Variants in MAP4K3 observed in about 807,000 individuals in gnomAD.
MAP4K3 encodes MAPK/ERK kinase kinase kinase 3.
MAP4K3 carries 94 observed loss-of-function variants against 143.5 expected under a neutral mutation model. The ratio of observed to expected loss-of-function variants is 0.65; its 90% confidence interval spans 0.55 to 0.78. MAP4K3 has a LOEUF of 0.78. MAP4K3 is among the 30% of genes least tolerant of loss of function. The pLI is 0.00. For missense variants in MAP4K3, 1,077 were observed against 1,068.1 expected (o/e 1.01, Z -0.12); for synonymous variants, 416 against 347.2 (o/e 1.20, Z -2.20).
intron 2 of MAP4K3, among the ~76,000 whole-genome samples, chr2:39,371,396 G>A (rs372691438): frequency 6.6e-6 from 1 of 152,106 alleles, no homozygotes. Context: ...CTGCCATCTG[G>A]GATGTAAATC....
At chr2:39,304,150 T>C (rs1013628327) in intron 15 of MAP4K3, among the ~76,000 whole-genome samples, 2 of 23,630 alleles carry the variant, frequency 8.5e-5, no homozygotes, top group Non-Finnish European at 5.7e-4. Context: ...ATTATCTGAT[T>C]TTTTTTTTTT....
At chr2:39,369,193 G>GTTTTTTTGTTTTTT (rs747293878) in intron 2 of MAP4K3, among the ~76,000 whole-genome samples, 30 of 37,966 alleles carry the variant, frequency 7.9e-4, no homozygotes, top group Middle Eastern at 0.017. Flanking sequence ...CTTTGGGCTA[G>GTTTTTTTGTTTTTT]TTTTTTTTTT....
intron 28 of MAP4K3, among the ~76,000 whole-genome samples, chr2:39,263,168 G>A (rs938541066): frequency 5.3e-5 from 8 of 151,724 alleles, no homozygotes; most frequent in Non-Finnish European, 7.4e-5. Flanking sequence ...TATAGAAAGC[G>A]TAACAATGTT....
At chr2:39,377,770 G>C (rs1420972679) in intron 2 of MAP4K3, among the ~76,000 whole-genome samples, 1 of 152,152 alleles carries the variant, frequency 6.6e-6, no homozygotes, top group Admixed American at 6.6e-5. Flanking sequence ...CGTCAGCCTG[G>C]AAATAAACCA....
At chr2:39,398,025 T>C (rs1423975044) in intron 1 of MAP4K3, among the ~76,000 whole-genome samples, 1 of 152,102 alleles carries the variant, frequency 6.6e-6, no homozygotes, top group Non-Finnish European at 1.5e-5. Flanking sequence ...AGGACCCTCA[T>C]ATATTGCTGC....
intron 13 of MAP4K3, among the ~76,000 whole-genome samples, chr2:39,314,813 A>C (rs533300285): frequency 2.0e-5 from 3 of 152,152 alleles, no homozygotes; most frequent in Non-Finnish European, 2.9e-5. Flanking sequence ...AGACCTACTG[A>C]ATTGGACTCT....
chr2:39,353,076 G>A (rs1342066384), intron 3 of MAP4K3, among the ~76,000 whole-genome samples: 1 of 152,170 alleles, frequency 6.6e-6, no homozygotes, highest in Non-Finnish European at 1.5e-5. Context: ...AATACAGTAT[G>A]CCAAAAAAGA....
intron 29 of MAP4K3, 87 bp from the exon 30 acceptor site, chr2:39,258,674 A>T: frequency 1.1e-6 from 1 of 950,224 alleles, no homozygotes; most frequent in Non-Finnish European, 1.7e-6. Context: ...TCTGAGGATA[A>T]CAATACTTGA....
In MAP4K3 at chr2:39,336,918, A is replaced by G; in HGVS notation, c.414+2T>C. ...TTATTATGTTAAAAATATAATGTATACCTTTATATCTCTGTGCATTTTTCC... is the reference window on the plus strand; with the variant it reads ...TTATTATGTTAAAAATATAATGTATGCCTTTATATCTCTGTGCATTTTTCC... On this transcript the variant is annotated splice_donor_variant, in intron 6 of 33. Coordinates refer to ENST00000263881, the MANE Select transcript of MAP4K3 (RefSeq NM_003618.4). LOFTEE classifies it high-confidence loss of function. The G allele has an allele frequency of 8.2e-7, 1 of 1,215,302 alleles. No homozygotes were observed. Among genetic ancestry groups the G allele is most frequent in the Non-Finnish European group, 1.2e-6 (1 of 860,498 alleles). The allele number at this position is 1,215,302 out of a possible 1,614,324, so 75.3% of individuals were successfully genotyped here.
intron 26 of MAP4K3, chr2:39,267,487 A>G (rs1182838584): frequency 2.6e-6 from 1 of 380,288 alleles, no homozygotes; most frequent in East Asian, 4.9e-5. Context: ...CCTGGCCAAC[A>G]TAATAAAACC....
intron 1 of MAP4K3, among the ~76,000 whole-genome samples, chr2:39,419,902 T>C (rs1025558251): frequency 6.6e-6 from 1 of 152,206 alleles, no homozygotes; most frequent in Non-Finnish European, 1.5e-5. Context: ...TAGAAGATGG[T>C]GGAGCACAGG....
intron 1 of MAP4K3, among the ~76,000 whole-genome samples, chr2:39,433,288 A>C (rs1665350787): frequency 6.6e-6 from 1 of 152,134 alleles, no homozygotes; most frequent in Non-Finnish European, 1.5e-5. Flanking sequence ...AAACCATAAG[A>C]CTAGGTAAGA....
intron 26 of MAP4K3, among the ~76,000 whole-genome samples, chr2:39,268,130 A>G (rs1426017468): frequency 1.1e-4 from 17 of 152,316 alleles, no homozygotes; most frequent in Non-Finnish European, 4.4e-5. Flanking sequence ...CAAAGGTGCT[A>G]TAGGTGTTTT....
At chr2:39,436,633 T>C in intron 1 of MAP4K3, 2 of 512,402 alleles carry the variant, frequency 3.9e-6, no homozygotes, top group Non-Finnish European at 7.0e-6. Context: ...TGCCCTTCCC[T>C]GGAAATGCGC....
Position 39,249,856 on chromosome 2 carries a change from A to G in MAP4K3, c.*762T>C, listed in dbSNP as rs893514680. On this transcript the variant is annotated 3_prime_UTR_variant, in exon 34 of 34. Transcript: ENST00000263881. ...AAGGTATTGTTTTTAAGCAAAGACA[A>G]GCAATCTTACAGGATTCTGCTTAAA... is the stretch of plus-strand genomic sequence containing the variant. The G allele has an allele frequency of 2.6e-5, 4 of 152,582 alleles. No homozygotes were observed. Among genetic ancestry groups the G allele is most frequent in the Non-Finnish European group, 5.9e-5 (4 of 68,032 alleles). 9.5% of individuals were successfully genotyped at this position (152,582 alleles called of 1,614,324 possible).
intron 1 of MAP4K3, among the ~76,000 whole-genome samples, chr2:39,422,274 C>T (rs1667569240): frequency 6.6e-6 from 1 of 152,108 alleles, no homozygotes; most frequent in Admixed American, 6.5e-5. Flanking sequence ...ACTACTCTTT[C>T]TGAACAGCAA....
At chr2:39,414,603 C>T (rs999502831) in intron 1 of MAP4K3, among the ~76,000 whole-genome samples, 10 of 152,256 alleles carry the variant, frequency 6.6e-5, no homozygotes, top group East Asian at 1.9e-4. Flanking sequence ...AGGCCGGGTG[C>T]GGTGGCTCAC....
At chr2:39,428,459 G>A (rs1665167069) in intron 1 of MAP4K3, among the ~76,000 whole-genome samples, 1 of 151,984 alleles carries the variant, frequency 6.6e-6, no homozygotes, top group Admixed American at 6.5e-5. Flanking sequence ...GATCACCTGA[G>A]GTCAGGAGTT....
chr2:39,383,891 G>A (rs1395648705), intron 1 of MAP4K3, among the ~76,000 whole-genome samples: 1 of 152,068 alleles, frequency 6.6e-6, no homozygotes, highest in Non-Finnish European at 1.5e-5. Flanking sequence ...GATCGCTTGA[G>A]CCCAGGAGTT....
Sources: allele counts gnomAD v4.1 joint callset (sites outside exome capture counted in the v4.1 genomes callset), GRCh38; gene constraint gnomAD v4.1.1; transcripts MANE v1.5; gene names NCBI Gene and HGNC (gene_info 2026-07-23, HGNC 2026-07-21).